The following COLQ variants were observed in gnomAD, a reference collection of about 807,000 sequenced individuals.
COLQ encodes acetylcholinesterase collagenic tail peptide.
COLQ carries 48 observed loss-of-function variants against 69.0 expected under a neutral mutation model. The observed-to-expected ratio is 0.70, with a 90% CI of 0.55 to 0.88. COLQ has a LOEUF of 0.88. COLQ is among the 40% of genes least tolerant of loss of function. The probability of loss-of-function intolerance (pLI) is 0.00; values close to 1 mark genes in which losing one functional copy is unlikely to be tolerated. For synonymous variants in COLQ, 217 were observed against 211.2 expected (o/e 1.03, Z -0.24); for missense variants, 618 against 594.6 (o/e 1.04, Z -0.41).
intron 11 of COLQ, among the ~76,000 whole-genome samples, chr3:15,468,673 G>C (rs2062237368): frequency 6.6e-6 from 1 of 152,102 alleles, no homozygotes; most frequent in African/African-American, 2.4e-5. Flanking sequence ...TGCTTTCCTG[G>C]GCTTGCCTGA....
chr3:15,492,296 C>T (rs1191722438), intron 1 of COLQ, among the ~76,000 whole-genome samples: 2 of 152,046 alleles, frequency 1.3e-5, no homozygotes, highest in African/African-American at 4.8e-5. Flanking sequence ...GTAAAATTCC[C>T]GACTAGATAA....
chr3:15,488,215 G>A lies in COLQ; in HGVS notation c.312C>T (p.Pro104=), dbSNP rs1179186283. ...GGTAGAGTGCACCAACCTGGGGGCC[G>A]GGAGGCCCAGGGGAGCCTAGCGAGC... The part of the protein sequence containing the change: ...MQGSLGSPGP[P]GPQGPPGLPG... The change falls in exon 3 of 17, where the codon CCC becomes CCT. Residue 104 remains proline (P), a synonymous_variant. Coordinates refer to ENST00000383788, the MANE Select transcript of COLQ (RefSeq NM_005677.4). 5.6e-6 allele frequency: 9 copies of A among 1,611,580 alleles called. No homozygotes were observed. The highest frequency in any genetic ancestry group is 2.2e-5 in the South Asian group (2 of 91,062).
At chr3:15,463,276 CA>C (rs1227705455) in intron 12 of COLQ, among the ~76,000 whole-genome samples, 1 of 1,212 alleles carries the variant, frequency 8.3e-4, no homozygotes, top group Non-Finnish European at 4.2e-3. Context: ...CCACCAATCC[CA>C]TTGCCCCTGG....
intron 5 of COLQ, 50 bp downstream of exon 5, chr3:15,478,927 C>T (rs1355784702): frequency 5.6e-6 from 9 of 1,613,024 alleles, no homozygotes; most frequent in Non-Finnish European, 7.6e-6. Context: ...CATGCACACA[C>T]ATGAAGCACA....
At chr3:15,496,461 G>C (rs1331061235) in intron 1 of COLQ, among the ~76,000 whole-genome samples, 2 of 152,164 alleles carry the variant, frequency 1.3e-5, no homozygotes, top group Non-Finnish European at 2.9e-5. Flanking sequence ...AGTGGCCTGT[G>C]GGTCTTTCTC....
At chr3:15,469,144 G>A (rs540469213) in intron 11 of COLQ, among the ~76,000 whole-genome samples, 141 of 152,270 alleles carry the variant, frequency 9.3e-4, no homozygotes, top group African/African-American at 3.3e-3. Flanking sequence ...ATGTCTTGTC[G>A]AAAGCTTGGG....
At chr3:15,511,550 C>G (rs899272243) in intron 1 of COLQ, among the ~76,000 whole-genome samples, 1 of 152,176 alleles carries the variant, frequency 6.6e-6, no homozygotes, top group Non-Finnish European at 1.5e-5. Flanking sequence ...GACAAACCAC[C>G]CAACCAATGC....
At chr3:15,479,304 G>A (rs975418158) in intron 4 of COLQ, 34 bp downstream of exon 4, 11 of 1,610,610 alleles carry the variant, frequency 6.8e-6, no homozygotes, top group Non-Finnish European at 9.3e-6. Context: ...GAATTGCCAA[G>A]GAAAGAAGGG....
chr3:15,516,999 AGGCTTGGT>A (rs917218814), intron 1 of COLQ, among the ~76,000 whole-genome samples: 1 of 152,126 alleles, frequency 6.6e-6, no homozygotes, highest in African/African-American at 2.4e-5. Flanking sequence ...AAAATTTGTC[AGGCTTGGT>A]GGCACGTGCC....
chr3:15,456,578 A>C lies in COLQ; in HGVS notation c.956T>G (p.Ile319Ser). Reference sequence around the variant, plus strand: ...CTCCTCCTGGTTGTTGACCACAAAAATCTGCCAGAGAACACACTGGTGAGG... The same window carrying C: ...CTCCTCCTGGTTGTTGACCACAAAACTCTGCCAGAGAACACACTGGTGAGG... ...YGPSSPRVPV[I>S]FVVNNQEELE... is the part of the protein sequence containing the mutation. Residue 319 changes from isoleucine to serine, a missense_variant and splice_region_variant, in exon 14 of 17, where the codon ATT becomes AGT. Transcript: ENST00000383788. The C allele has an allele frequency of 6.2e-7, 1 of 1,614,026 alleles. No homozygotes were observed. The highest frequency in any genetic ancestry group is 8.5e-7 in the Non-Finnish European group (1 of 1,180,022).
At chr3:15,468,008 C>A (rs1334222057) in intron 11 of COLQ, 1 of 455,680 alleles carries the variant, frequency 2.2e-6, no homozygotes, top group Admixed American at 2.4e-5. Flanking sequence ...CCTGCAGTAA[C>A]CAAGCTGGGT....
chr3:15,458,408 C>A (rs976308676), intron 12 of COLQ, 83 bp from the exon 13 acceptor site: 33 of 1,513,816 alleles, frequency 2.2e-5, no homozygotes, highest in Non-Finnish European at 3.0e-5. Flanking sequence ...ACCTTTGCAA[C>A]AGAAAAAAGG....
chr3:15,460,183 C>T (rs976608378), intron 12 of COLQ, among the ~76,000 whole-genome samples: 3 of 152,180 alleles, frequency 2.0e-5, no homozygotes, highest in Non-Finnish European at 4.4e-5. Flanking sequence ...GAATGTCGCT[C>T]CACAAGGACA....
chr3:15,466,493 C>A, intron 11 of COLQ, 56 bp from the exon 12 acceptor site: 1 of 1,435,296 alleles, frequency 7.0e-7, no homozygotes, highest in Non-Finnish European at 9.8e-7. Flanking sequence ...AAGCTTCCCG[C>A]CCCATTTATC....
rs117680816 is a variant in COLQ at position 15,501,685 on chromosome 3, C to T, written c.107-12048G>A. On this transcript the variant is annotated intron_variant, in intron 1 of 16. Transcript: ENST00000383788. The stretch of plus-strand genomic sequence containing the variant: ...CTTCTGTGTCCATCCTTGCAGAGTC[C>T]AGTTATAGCCAGAATCTTGATAAGT... 6.0e-4 allele frequency among the ~76,000 whole-genome samples: 91 copies of T among 152,330 alleles called. 3 individuals carry two copies. In the East Asian group the frequency reaches 7.1e-3, roughly 12 times the overall value.
chr3:15,470,680 G>A, intron 10 of COLQ, 64 bp from the exon 11 acceptor site: 1 of 1,428,286 alleles, frequency 7.0e-7, no homozygotes, highest in Non-Finnish European at 9.9e-7. Flanking sequence ...CATCTACACA[G>A]GTCTAGCCAG....
intron 6 of COLQ, among the ~76,000 whole-genome samples, chr3:15,476,432 G>A (rs1159263702): frequency 6.6e-6 from 1 of 152,234 alleles, no homozygotes; most frequent in Admixed American, 6.5e-5. Flanking sequence ...CAGCTCAGCT[G>A]TATGCAGAGG....
At chr3:15,492,182 T>C (rs1211586065) in intron 1 of COLQ, among the ~76,000 whole-genome samples, 3 of 152,176 alleles carry the variant, frequency 2.0e-5, no homozygotes, top group Non-Finnish European at 4.4e-5. Context: ...GAAATCACAG[T>C]GAATGCAACA....
intron 11 of COLQ, among the ~76,000 whole-genome samples, chr3:15,468,912 C>G (rs1241570393): frequency 6.6e-6 from 1 of 152,148 alleles, no homozygotes; most frequent in African/African-American, 2.4e-5. Context: ...ATCTGAAATT[C>G]CTTCTGAATT....
Sources: gnomAD v4.1 joint callset for allele counts (sites outside exome capture counted in the v4.1 genomes callset) on GRCh38, gnomAD v4.1.1 for gene constraint, MANE v1.5 for transcripts, NCBI Gene and HGNC (gene_info 2026-07-23, HGNC 2026-07-21) for gene names.